SSH2: variants seen among roughly 807,000 people sequenced by gnomAD.
SSH2 encodes the protein slingshot protein phosphatase 2.
Under a neutral mutation model 135.2 loss-of-function variants are expected in SSH2, and 37 were observed. The ratio of observed to expected loss-of-function variants is 0.27; its 90% CI spans 0.21 to 0.36. The LOEUF (loss-of-function observed/expected upper bound fraction) is 0.36. SSH2 is among the 10% of genes least tolerant of loss of function. SSH2 has a pLI of 1.00. For synonymous variants in SSH2, 628 were observed against 646.2 expected (o/e 0.97, Z 0.43); for missense variants, 1,408 against 1,765.3 (o/e 0.80, Z 3.63).
chr17:29,690,724 AT>A (rs747573470), intron 5 of SSH2, among the ~76,000 whole-genome samples: 19 of 151,904 alleles, frequency 1.3e-4, no homozygotes, highest in East Asian at 9.6e-4. Flanking sequence ...AAGTCTCTGA[AT>A]TTTTTTTTAA....
chr17:29,747,921 T>C (rs2040814646), intron 3 of SSH2, among the ~76,000 whole-genome samples: 1 of 152,208 alleles, frequency 6.6e-6, no homozygotes, highest in Admixed American at 6.5e-5. Context: ...ACAACATCTT[T>C]AGTTATTTGG....
intron 3 of SSH2, among the ~76,000 whole-genome samples, chr17:29,733,405 A>G (rs957200824): frequency 2.0e-5 from 3 of 152,248 alleles, no homozygotes; most frequent in Admixed American, 2.0e-4. Context: ...CTTCTGAAAC[A>G]TAAGTATAAC....
Position 29,860,856 on chromosome 17 carries a change from G to A in SSH2, c.64-11927C>T, listed in dbSNP as rs148621618. 1.1e-3 allele frequency among the ~76,000 whole-genome samples: 167 copies of A among 150,984 alleles called. 1 individual carries two copies. Among genetic ancestry groups the A allele is most frequent in the African/African-American group, 3.8e-3 (156 of 41,066 alleles). On this transcript the variant is annotated intron_variant, in intron 1 of 15. Coordinates refer to ENST00000540801, the MANE Select transcript of SSH2 (RefSeq NM_001282129.2). ...CACCTCCCAGGTTCAAGCAATTCTC[G>A]TGCTTCAGCCTCCCAAGTAGCTGGG... is the stretch of plus-strand genomic sequence containing the variant.
chr17:29,632,554 T>C lies in SSH2; in HGVS notation c.2640A>G (p.Ser880=). ...PAEGEQELQG[S]GMHPGAKWYP... The stretch of plus-strand genomic sequence containing the variant: ...ACCACTTGGCACCTGGGTGCATCCC[T>C]GAGCCCTGGAGCTCTTGTTCCCCCT... Residue 880 remains serine (S), a synonymous_variant, in exon 16 of 16, where the codon TCA becomes TCG. Coordinates refer to ENST00000540801, the MANE Select transcript of SSH2 (RefSeq NM_001282129.2). 1.2e-6 allele frequency: 2 copies of C among 1,614,224 alleles called. No homozygotes were observed. The highest frequency in any genetic ancestry group is 1.7e-6 in the Non-Finnish European group (2 of 1,180,026).
intron 3 of SSH2, among the ~76,000 whole-genome samples, chr17:29,705,116 T>A (rs1156893105): frequency 6.6e-6 from 1 of 152,178 alleles, no homozygotes; most frequent in Admixed American, 6.5e-5. Context: ...CTAATAGTCA[T>A]CCTTAGTGTC....
At chr17:29,922,540 A>G (rs1213280337) in intron 1 of SSH2, among the ~76,000 whole-genome samples, 2 of 152,246 alleles carry the variant, frequency 1.3e-5, no homozygotes, top group Non-Finnish European at 1.5e-5. Context: ...CTTTTCAAAA[A>G]CTTTAATGTA....
chr17:29,799,160 A>G (rs1218709186), intron 2 of SSH2, among the ~76,000 whole-genome samples: 4 of 152,168 alleles, frequency 2.6e-5, no homozygotes, highest in African/African-American at 9.7e-5. Context: ...AAATTCGAAT[A>G]TATCATAGTT....
intron 3 of SSH2, among the ~76,000 whole-genome samples, chr17:29,742,720 C>T (rs950732702): frequency 1.3e-5 from 2 of 151,822 alleles, no homozygotes; most frequent in African/African-American, 2.4e-5. Flanking sequence ...CTGCAACCTC[C>T]GCCTCCCGGG....
At position 29,913,347 on chromosome 17, in the gene SSH2, AATATATATAT is replaced by A. The variant is rs56068605; in HGVS notation, c.63+16581_63+16590del. 5.7e-3 allele frequency among the ~76,000 whole-genome samples: 165 copies of A among 28,784 alleles called. 4 individuals carry two copies. Among genetic ancestry groups the A allele is most frequent in the African/African-American group, 0.017 (137 of 8,056 alleles). 18.9% of individuals were successfully genotyped at this position (28,784 alleles called of 152,430 possible). A position where few individuals can be genotyped will look rare whatever the true frequency, so the allele number is the denominator to read the frequency against. On this transcript the variant is annotated intron_variant, in intron 1 of 15. Transcript: ENST00000540801. ...AAAAAAAAAAAAAAAAAAAAAAAAAAATATATATATATATATATATATATATATATATATA... is the reference window on the plus strand; with the variant it reads ...AAAAAAAAAAAAAAAAAAAAAAAAAAATATATATATATATATATATATATA...
chr17:29,637,922 T>G (rs1232470026), intron 14 of SSH2, among the ~76,000 whole-genome samples: 1 of 152,110 alleles, frequency 6.6e-6, no homozygotes, highest in African/African-American at 2.4e-5. Flanking sequence ...GAGACCAGCC[T>G]GGCCAACATG....
intron 1 of SSH2, among the ~76,000 whole-genome samples, chr17:29,860,683 C>T (rs1237424432): frequency 3.3e-5 from 5 of 151,828 alleles, no homozygotes; most frequent in South Asian, 2.1e-4. Context: ...CCACCTGCCT[C>T]GGCCTCCCAA....
chr17:29,823,648 T>C (rs2042692814), intron 2 of SSH2, among the ~76,000 whole-genome samples: 1 of 151,948 alleles, frequency 6.6e-6, no homozygotes, highest in Non-Finnish European at 1.5e-5. Flanking sequence ...GAGGCCAAGG[T>C]GGGCAGATCA....
chr17:29,748,431 A>G (rs2040829053), intron 3 of SSH2, among the ~76,000 whole-genome samples: 1 of 152,224 alleles, frequency 6.6e-6, no homozygotes, highest in Admixed American at 6.5e-5. Flanking sequence ...AGGATCAAAA[A>G]TAACCACAAA....
rs1439125207 is a variant in SSH2, at chr17:29,655,602, T to G, written c.1038A>C (p.Ser346=). ...CCTCTAAGTTGGAGGCATTCCATTC[T>G]GAGCCCTATGGAGCCAAAAAGACAA... ...TQIFEHVFLG[S]EWNASNLEDL... is the part of the protein sequence containing the mutation. The change falls in exon 12 of 16, where the codon TCA becomes TCC. Residue 346 remains serine, a synonymous_variant. Coordinates refer to ENST00000540801, the MANE Select transcript of SSH2 (RefSeq NM_001282129.2). The G allele has an allele frequency of 6.2e-7, 1 of 1,614,114 alleles. No homozygotes were observed. The highest frequency in any genetic ancestry group is 1.1e-5 in the South Asian group (1 of 91,080).
intron 1 of SSH2, among the ~76,000 whole-genome samples, chr17:29,891,486 TGAAAC>T (rs1465951395): frequency 6.6e-6 from 1 of 151,924 alleles, no homozygotes; most frequent in Non-Finnish European, 1.5e-5. Flanking sequence ...ACAGATTTAT[TGAAAC>T]GAAAGTACAC....
intron 1 of SSH2, among the ~76,000 whole-genome samples, chr17:29,901,136 G>T (rs555327051): frequency 4.6e-5 from 7 of 152,098 alleles, no homozygotes; most frequent in Non-Finnish European, 8.8e-5. Context: ...TTGTGGGTTG[G>T]GGGGAGGGGA....
chr17:29,860,964 T>G (rs557103102), intron 1 of SSH2, among the ~76,000 whole-genome samples: 1 of 152,188 alleles, frequency 6.6e-6, no homozygotes, highest in Admixed American at 6.5e-5. Flanking sequence ...AGGCCACTCT[T>G]GAACTCCTGA....
In SSH2 at chr17:29,631,289, T is replaced by G; in HGVS notation, c.3905A>C (p.Glu1302Ala). 1 of 1,614,162 alleles carries G rather than the reference T, an allele frequency of 6.2e-7. No homozygotes were observed. The change falls in exon 16 of 16, where the codon GAG becomes GCG. Residue 1302 changes from glutamate (E) to alanine (A), a missense_variant. Transcript: ENST00000540801. Reference sequence around the variant, plus strand: ...GGATTCACAGGAGGCAGGCTCCCTCTCTGGTAAGCAGTCTTTACAGAGGTC... The same window carrying G: ...GGATTCACAGGAGGCAGGCTCCCTCGCTGGTAAGCAGTCTTTACAGAGGTC... ...YLDLCKDCLP[E>A]REPASCESPH...
At chr17:29,836,714 G>A (rs2042949320) in intron 2 of SSH2, among the ~76,000 whole-genome samples, 1 of 152,128 alleles carries the variant, frequency 6.6e-6, no homozygotes, top group Non-Finnish European at 1.5e-5. Context: ...TAATTATAAA[G>A]TGAGAGGAAA....
Sources: gnomAD v4.1 joint callset for allele counts (sites outside exome capture counted in the v4.1 genomes callset) on GRCh38, gnomAD v4.1.1 for gene constraint, MANE v1.5 for transcripts, NCBI Gene and HGNC (gene_info 2026-07-23, HGNC 2026-07-21) for gene names.